Variants in RIMS3 observed in about 807,000 individuals in gnomAD.
The protein encoded by RIMS3 is regulating synaptic membrane exocytosis 3, also known as regulating synaptic membrane exocytosis protein 3.
In RIMS3, 15 loss-of-function variants were observed where a neutral mutation model predicts 29.2. The ratio of observed to expected loss-of-function variants is 0.51; its 90% confidence interval spans 0.34 to 0.79. The LOEUF (loss-of-function observed/expected upper bound fraction) is 0.79. Ranked by LOEUF, RIMS3 falls within the 30% of genes least tolerant of loss-of-function variation. The pLI is 0.01. For missense variants in RIMS3, 342 were observed against 421.4 expected, an observed-to-expected ratio of 0.81 and a Z score of 1.65; for synonymous variants, 161 against 170.1, an observed-to-expected ratio of 0.95 and a Z score of 0.41.
chr1:40,667,556 T>C (rs1455627435), upstream of RIMS3, among the ~76,000 whole-genome samples: 1 of 152,188 alleles, frequency 6.6e-6, no homozygotes, highest in Non-Finnish European at 1.5e-5. Context: ...ATAATTTCAG[T>C]ATCTTCAAAG....
chr1:40,643,701 A>G (rs1171784870), intron 2 of RIMS3, among the ~76,000 whole-genome samples: 1 of 151,616 alleles, frequency 6.6e-6, no homozygotes, highest in Admixed American at 6.6e-5. Context: ...CTGGTCTCAA[A>G]CTCCTGATCT....
At chr1:40,670,574 TTATATATATATATA>T (rs553412097), upstream of RIMS3, among the ~76,000 whole-genome samples, 45 of 71,194 alleles carry the variant, frequency 6.3e-4, no homozygotes, top group Admixed American at 1.7e-3. Flanking sequence ...AGTTATAATT[TTATATATATATATA>T]TATATATATA....
intron 1 of RIMS3, among the ~76,000 whole-genome samples, chr1:40,656,639 C>T (rs573950619): frequency 4.6e-5 from 7 of 152,172 alleles, no homozygotes; most frequent in South Asian, 2.1e-4. Context: ...CAAAATTAGC[C>T]GGGCGTGGTG....
rs896139897 is a variant in RIMS3, at chr1:40,654,427, G to A, written c.-206-6585C>T. ...ACCCGCACGCAAGCCATACACCTCC[G>A]GTTGGCCACTCCGACGCGCCACAGA... On this transcript the variant is annotated intron_variant, in intron 1 of 7. Transcript: ENST00000372684. The surrounding 1 kb of genome is among the most constrained non-coding windows in gnomAD (Gnocchi z 5.3). 7.2e-5 allele frequency among the ~76,000 whole-genome samples: 11 copies of A among 152,070 alleles called. No individual in the cohort carries two copies. Among genetic ancestry groups the A allele is most frequent in the Non-Finnish European group, 1.5e-4 (10 of 68,012 alleles).
At chr1:40,646,557 TCA>T (rs1646597192) in intron 2 of RIMS3, among the ~76,000 whole-genome samples, 1 of 152,004 alleles carries the variant, frequency 6.6e-6, no homozygotes, top group African/African-American at 2.4e-5. Flanking sequence ...TCCCAGTGAG[TCA>T]CAGAGACCTC....
chr1:40,631,438 C>T (rs1646488577), intron 5 of RIMS3, among the ~76,000 whole-genome samples: 1 of 152,104 alleles, frequency 6.6e-6, no homozygotes, highest in Non-Finnish European at 1.5e-5. Context: ...GCCAGGAGGC[C>T]AAGGCAGGCG....
chr1:40,630,884 G>A (rs1287606951), intron 5 of RIMS3, among the ~76,000 whole-genome samples: 1 of 152,212 alleles, frequency 6.6e-6, no homozygotes, highest in Non-Finnish European at 1.5e-5. Context: ...CTAATTCCCA[G>A]CCTTTGCTTT....
chr1:40,647,037 C>T (rs932866313), intron 2 of RIMS3, among the ~76,000 whole-genome samples: 1 of 152,058 alleles, frequency 6.6e-6, no homozygotes, highest in South Asian at 2.1e-4. Flanking sequence ...CCCACTACCA[C>T]GCCCAGCTAA....
rs1646418501 is a variant in RIMS3, at chr1:40,621,159, C to T, written c.*5358G>A. Reference sequence around the variant, plus strand: ...GGGAAATAAGTTCCCTCTCTCCTCCCATCAGAGAACATTTCCTTTAGAATT... The same window carrying T: ...GGGAAATAAGTTCCCTCTCTCCTCCTATCAGAGAACATTTCCTTTAGAATT... On this transcript the variant is annotated 3_prime_UTR_variant, in exon 8 of 8. Coordinates refer to ENST00000372684, the MANE Select transcript of RIMS3 (RefSeq NM_014747.3). 1 of 152,180 alleles carries T rather than the reference C, an allele frequency of 6.6e-6. No individual in the cohort carries two copies. Among genetic ancestry groups the T allele is most frequent in the Admixed American group, 6.5e-5 (1 of 15,280 alleles). The allele number at this position is 152,180 out of a possible 1,614,324, so 9.4% of individuals were successfully genotyped here.
At position 40,636,818 on chromosome 1, in the gene RIMS3, C is replaced by A. The variant is rs994051342; in HGVS notation, c.218-761G>T. Among the ~76,000 whole-genome samples the A allele has an allele frequency of 3.3e-5, 5 of 152,238 alleles. No homozygotes were observed. Among genetic ancestry groups the A allele is most frequent in the Non-Finnish European group, 7.3e-5 (5 of 68,036 alleles). On this transcript the variant is annotated intron_variant, in intron 3 of 7. Transcript: ENST00000372684. This position sits in a 1 kb window ranked among gnomAD's most constrained non-coding sequence, Gnocchi z 4.2. ...CTCGACCCCCATATCCTGGCCTCCC[C>A]CTCAGCCTTGCAGGGAACATGGGAC...
upstream of RIMS3, among the ~76,000 whole-genome samples, chr1:40,668,361 G>A (rs1160580468): frequency 7.2e-5 from 11 of 151,814 alleles, no homozygotes; most frequent in Non-Finnish European, 1.2e-4. Context: ...GGTCAAGGCT[G>A]CAGTGAGCTG....
upstream of RIMS3, among the ~76,000 whole-genome samples, chr1:40,670,578 A>ATATATATATATATATATC (rs1642480890): frequency 1.1e-5 from 1 of 94,152 alleles, no homozygotes; most frequent in East Asian, 2.6e-4. Context: ...ATAATTTTAT[A>ATATATATATATATATATC]TATATATATA....
chr1:40,682,918 TTTA>T, the RIMS3 span, among the ~76,000 whole-genome samples: 1 of 151,644 alleles, frequency 6.6e-6, no homozygotes, highest in Admixed American at 6.6e-5. Context: ...TTTTTGTATT[TTTA>T]GTAGAGATAG....
rs1003229781 is a variant in RIMS3 at position 40,636,331 on chromosome 1, G to T, written c.218-274C>A. 6.6e-6 allele frequency among the ~76,000 whole-genome samples: 1 copy of T among 152,190 alleles called. No individual in the cohort carries two copies. On this transcript the variant is annotated intron_variant, in intron 3 of 7. Transcript: ENST00000372684. This position sits in a 1 kb window ranked among gnomAD's most constrained non-coding sequence, Gnocchi z 4.2. ...GATGGCGCCACCACGCAGAGCCGCA[G>T]ATCCGCAGCTGGGGCCCTCGCCTCA... is the stretch of plus-strand genomic sequence containing the variant.
At chr1:40,633,022 C>T (rs748873207) in intron 5 of RIMS3, 47 bp downstream of exon 5, 16 of 1,471,852 alleles carry the variant, frequency 1.1e-5, no homozygotes, top group Admixed American at 8.4e-5. Context: ...CCCTTCCTGT[C>T]GCATGGTCAC....
chr1:40,657,068 A>G lies in RIMS3; in HGVS notation c.-207+8326T>C, dbSNP rs548964041. 2.6e-5 allele frequency among the ~76,000 whole-genome samples: 4 copies of G among 152,290 alleles called. No homozygotes were observed. The East Asian group carries it at 7.7e-4, about 29-fold the overall frequency. On this transcript the variant is annotated intron_variant, in intron 1 of 7. Coordinates refer to ENST00000372684, the MANE Select transcript of RIMS3 (RefSeq NM_014747.3). ...GAAATTCCTTGGTCCTTTCCTATTCACAAATTGTCATAACGGCCACCATCT... is the reference window on the plus strand; with the variant it reads ...GAAATTCCTTGGTCCTTTCCTATTCGCAAATTGTCATAACGGCCACCATCT...
chr1:40,649,177 G>A (rs1482946082), intron 1 of RIMS3, among the ~76,000 whole-genome samples: 1 of 142,880 alleles, frequency 7.0e-6, no homozygotes, highest in African/African-American at 2.8e-5. Flanking sequence ...GCTGGCACGT[G>A]CATGCACAGA....
the RIMS3 span, among the ~76,000 whole-genome samples, chr1:40,672,018 A>C: frequency 6.6e-6 from 1 of 151,780 alleles, no homozygotes; most frequent in South Asian, 2.1e-4. Flanking sequence ...TCAGCCTCCC[A>C]AAGTGCTGAG....
chr1:40,636,176 C>G lies in RIMS3; in HGVS notation c.218-119G>C, dbSNP rs909377648. The G allele has an allele frequency of 2.2e-5, 29 of 1,313,502 alleles. No homozygotes were observed. Among genetic ancestry groups the G allele is most frequent in the Non-Finnish European group, 3.1e-5 (29 of 944,586 alleles). 81.4% of individuals were successfully genotyped at this position (1,313,502 alleles called of 1,614,324 possible). On this transcript the variant is annotated intron_variant, in intron 3 of 7. Coordinates refer to ENST00000372684, the MANE Select transcript of RIMS3 (RefSeq NM_014747.3). The surrounding 1 kb of genome is among the most constrained non-coding windows in gnomAD (Gnocchi z 4.2). ...ATGGGGGGTTGATGGGGAGGATGAG[C>G]AGGGCTCTGACTGGAGGCAGGGGCA...
Sources: gnomAD v4.1 joint callset for allele counts (sites outside exome capture counted in the v4.1 genomes callset) on GRCh38, gnomAD v4.1.1 for gene constraint, Gnocchi (gnomAD v3.1) non-coding constraint, MANE v1.5 for transcripts, NCBI Gene and HGNC (gene_info 2026-07-23, HGNC 2026-07-21) for gene names.